MBLAC2: variants seen among roughly 807,000 people sequenced by gnomAD.
MBLAC2 encodes acyl-coenzyme A thioesterase MBLAC2.
Under a neutral mutation model 23.3 loss-of-function variants are expected in MBLAC2, and 24 were observed. That is an observed-to-expected ratio of 1.03 (90% CI 0.75 to 1.45). The LOEUF (loss-of-function observed/expected upper bound fraction) is 1.45. Among genes scored for constraint, MBLAC2 ranks in the 40% most tolerant of loss-of-function variants. The pLI, the probability that MBLAC2 is intolerant of heterozygous loss-of-function variation, is 0.00. For missense variants in MBLAC2, 358 were observed against 370.0 expected (o/e 0.97, Z 0.27); for synonymous variants, 162 against 150.9 (o/e 1.07, Z -0.54).
intron 1 of MBLAC2, among the ~76,000 whole-genome samples, chr5:90,468,946 G>A (rs1054637036): frequency 3.3e-5 from 5 of 152,156 alleles, no homozygotes; most frequent in Admixed American, 1.3e-4. Flanking sequence ...TAAGAGGAAA[G>A]TTCATAGCAT....
At chr5:90,461,747 G>A (rs1242787392) in intron 1 of MBLAC2, among the ~76,000 whole-genome samples, 195 bp from the exon 2 acceptor site, 1 of 152,160 alleles carries the variant, frequency 6.6e-6, no homozygotes, top group Non-Finnish European at 1.5e-5. Context: ...ACCAGTGTTT[G>A]CCAAAGCAAG....
chr5:90,473,587 T>C, intron 1 of MBLAC2: 1 of 653,764 alleles, frequency 1.5e-6, no homozygotes, highest in South Asian at 1.7e-5. Flanking sequence ...AGGGAGGGGG[T>C]GGTGCCGGCT....
rs754565772 is a variant in MBLAC2 at position 90,473,975 on chromosome 5, C to T, written c.318G>A (p.Glu106=). Residue 106 remains glutamate (E), a synonymous_variant, in exon 1 of 2, where the codon GAG becomes GAA. Transcript: ENST00000316610. ...DRVAVHHAEA[E]ALARGDNFET... ...CAAAGTTGTCCCCGCGAGCCAGCGC[C>T]TCGGCCTCGGCGTGGTGCACTGCCA... 6.3e-7 allele frequency: 1 copy of T among 1,598,510 alleles called. No homozygotes were observed. The highest frequency in any genetic ancestry group is 1.7e-5 in the Admixed American group (1 of 57,302).
chr5:90,471,578 A>C (rs898430860), intron 1 of MBLAC2, among the ~76,000 whole-genome samples: 6 of 152,126 alleles, frequency 3.9e-5, no homozygotes, highest in African/African-American at 1.4e-4. Context: ...TTAGAGATAC[A>C]GTGCACAGAT....
intron 1 of MBLAC2, among the ~76,000 whole-genome samples, chr5:90,467,152 T>C (rs186117298): frequency 7.0e-4 from 107 of 152,198 alleles, no homozygotes; most frequent in African/African-American, 2.5e-3. Context: ...AATAAAAAAA[T>C]GTAGTTGTTG....
chr5:90,473,548 A>G, intron 1 of MBLAC2: 1 of 627,626 alleles, frequency 1.6e-6, no homozygotes. Flanking sequence ...TTGTAGTGTT[A>G]CTGCTACAGC....
In MBLAC2 at chr5:90,473,986, C is replaced by T; in HGVS notation, c.307G>A (p.Ala103Thr). ...YQFDRVAVHHAEAEALARGDN... is the reference protein window; with the variant it reads ...YQFDRVAVHHTEAEALARGDN... Reference sequence around the variant, plus strand: ...CCGCGAGCCAGCGCCTCGGCCTCGGCGTGGTGCACTGCCACGCGGTCGAAC... The same window carrying T: ...CCGCGAGCCAGCGCCTCGGCCTCGGTGTGGTGCACTGCCACGCGGTCGAAC... The change falls in exon 1 of 2, where the codon GCC becomes ACC. Residue 103 changes from alanine (A) to threonine (T), a missense_variant. Ala to Thr is a moderately conservative substitution (Grantham distance 58). Coordinates refer to ENST00000316610, the MANE Select transcript of MBLAC2 (RefSeq NM_203406.2). 6.3e-7 allele frequency: 1 copy of T among 1,598,718 alleles called. No individual in the cohort carries two copies. The highest frequency in any genetic ancestry group is 8.5e-7 in the Non-Finnish European group (1 of 1,173,730).
chr5:90,461,085 G>T lies in MBLAC2; in HGVS notation c.*82C>A. 1 of 1,161,586 alleles carries T rather than the reference G, an allele frequency of 8.6e-7. No homozygotes were observed. Among genetic ancestry groups the T allele is most frequent in the Non-Finnish European group, 1.2e-6 (1 of 848,936 alleles). 72.0% of individuals were successfully genotyped at this position (1,161,586 alleles called of 1,614,324 possible). ...TAATAGTGGTATAAAAGCACTTCAT[G>T]AAATGCTCACTATTAATCAGTTAAA... On this transcript the variant is annotated 3_prime_UTR_variant, in exon 2 of 2. Coordinates refer to ENST00000316610, the MANE Select transcript of MBLAC2 (RefSeq NM_203406.2).
intron 1 of MBLAC2, among the ~76,000 whole-genome samples, chr5:90,467,182 A>G (rs1750462930): frequency 6.6e-6 from 1 of 152,174 alleles, no homozygotes; most frequent in African/African-American, 2.4e-5. Context: ...TTCTGTAAAT[A>G]TCTATTAAGT....
In MBLAC2 at chr5:90,474,157, T is replaced by C; in HGVS notation, c.136A>G (p.Thr46Ala). 2.5e-6 allele frequency: 4 copies of C among 1,598,494 alleles called. No homozygotes were observed. Among genetic ancestry groups the C allele is most frequent in the Non-Finnish European group, 3.4e-6 (4 of 1,172,474 alleles). The change falls in exon 1 of 2, where the codon ACA becomes GCA. Residue 46 changes from threonine to alanine, a missense_variant. Coordinates refer to ENST00000316610, the MANE Select transcript of MBLAC2 (RefSeq NM_203406.2). ...GGGAGGCTGCGCAGCCCCAGGCCTG[T>C]ATCGATCACCACGTCCTGCTCGGAG... The part of the protein sequence containing the change: ...RGSEQDVVID[T>A]GLGLRSLPEY...
At position 90,461,130 on chromosome 5, in the gene MBLAC2, G is replaced by C; in HGVS notation, c.*37C>G. 1 of 1,426,814 alleles carries C rather than the reference G, an allele frequency of 7.0e-7. No individual in the cohort carries two copies. The highest frequency in any genetic ancestry group is 9.4e-7 in the Non-Finnish European group (1 of 1,068,638). The allele number at this position is 1,426,814 out of a possible 1,614,324, so 88.4% of individuals were successfully genotyped here. The stretch of plus-strand genomic sequence containing the variant: ...GTTAAATAGCACAGAATGAATTAAT[G>C]TATATAATTAATCAAAATATATTAT... On this transcript the variant is annotated 3_prime_UTR_variant, in exon 2 of 2. Coordinates refer to ENST00000316610, the MANE Select transcript of MBLAC2 (RefSeq NM_203406.2).
rs1040273384 is a variant in MBLAC2, at chr5:90,474,078, G to A, written c.215C>T (p.Ala72Val). 47 of 1,575,408 alleles carry A rather than the reference G, an allele frequency of 3.0e-5. No homozygotes were observed. The highest frequency in any genetic ancestry group is 3.9e-5 in the Non-Finnish European group (45 of 1,160,796). The change falls in exon 1 of 2, where the codon GCG (alanine) becomes GTG (valine). Residue 72 changes from alanine to valine, a missense_variant. Transcript: ENST00000316610. ...CACGGCAAGCAGTGGCCGGCGCGCC[G>A]CGTCCTCTTTGGCCTCTCGGTCCTG... The part of the protein sequence containing the change: ...LLQDREAKED[A>V]ARRPLLAVAT...
intron 1 of MBLAC2, chr5:90,473,371 C>G: frequency 2.7e-6 from 1 of 375,742 alleles, no homozygotes; most frequent in South Asian, 2.9e-5. Flanking sequence ...TGCCCATACC[C>G]GGTGGGGACC....
chr5:90,473,650 G>A (rs1013505622), intron 1 of MBLAC2, 189 bp downstream of exon 1: 1 of 705,194 alleles, frequency 1.4e-6, no homozygotes. Flanking sequence ...TCTCTGGCAG[G>A]GAAGGCTGTG....
intron 1 of MBLAC2, chr5:90,472,580 G>C (rs1750574751): frequency 1.3e-5 from 2 of 152,112 alleles, no homozygotes; most frequent in African/African-American, 2.4e-5. Context: ...TCATCTGTGA[G>C]ATAAACTGAT....
chr5:90,473,809 C>T (rs779804681), intron 1 of MBLAC2, 30 bp downstream of exon 1: 1 of 1,547,790 alleles, frequency 6.5e-7, no homozygotes, highest in Admixed American at 1.9e-5. Flanking sequence ...CCTCCCTTAA[C>T]GAGAGCGCGC....
rs1266490523 is a variant in MBLAC2 at position 90,460,357 on chromosome 5, TATA to T, written c.*807_*809del. 1 of 152,588 alleles carries T rather than the reference TATA, an allele frequency of 6.6e-6. No individual in the cohort carries two copies. Among genetic ancestry groups the T allele is most frequent in the African/African-American group, 2.4e-5 (1 of 41,460 alleles). The allele number at this position is 152,588 out of a possible 1,614,324, so 9.5% of individuals were successfully genotyped here. A position where few individuals can be genotyped will look rare whatever the true frequency, so the allele number is the denominator to read the frequency against. ...AATAGCTGTTAATATTAAAATAGGA[TATA>T]ATAATAAAAAATTATTCTCAATGTG... On this transcript the variant is annotated 3_prime_UTR_variant, in exon 2 of 2. Transcript: ENST00000316610.
intron 1 of MBLAC2, among the ~76,000 whole-genome samples, chr5:90,464,490 T>G (rs1750418523): frequency 6.6e-6 from 1 of 152,050 alleles, no homozygotes; most frequent in African/African-American, 2.4e-5. Context: ...GAAGCTGAGG[T>G]AGAAGGATTG....
rs1403116366 is a variant in MBLAC2 at position 90,474,512 on chromosome 5, T to C, written c.-220A>G. 2 of 548,510 alleles carry C rather than the reference T, an allele frequency of 3.6e-6. No individual in the cohort carries two copies. The highest frequency in any genetic ancestry group is 6.4e-6 in the Non-Finnish European group (2 of 312,016). 34.0% of individuals were successfully genotyped at this position (548,510 alleles called of 1,614,324 possible). ...TGCGCTCCCGCACCCTTCCGCCAGG[T>C]CGGCAGCAAGCAGAGGCTGCGCCAC... On this transcript the variant is annotated 5_prime_UTR_variant, in exon 1 of 2. Coordinates refer to ENST00000316610, the MANE Select transcript of MBLAC2 (RefSeq NM_203406.2).
Sources: gnomAD v4.1 joint callset for allele counts (sites outside exome capture counted in the v4.1 genomes callset) on GRCh38, gnomAD v4.1.1 for gene constraint, MANE v1.5 for transcripts, NCBI Gene and HGNC (gene_info 2026-07-23, HGNC 2026-07-21) for gene names.